Variants in SEC14L1 observed in about 807,000 individuals in gnomAD.
The protein encoded by SEC14L1 is SEC14-like protein 1.
Under a neutral mutation model 85.3 loss-of-function variants are expected in SEC14L1, and 48 were observed. The observed-to-expected ratio is 0.56, with a 90% CI of 0.45 to 0.72. The LOEUF (loss-of-function observed/expected upper bound fraction) is 0.72, where lower values mean the gene tolerates loss of function less well. Ranked by LOEUF, SEC14L1 falls within the 30% of genes least tolerant of loss-of-function variation. The pLI is 0.00. For missense variants in SEC14L1, 682 were observed against 921.4 expected (o/e 0.74, Z 3.36); for synonymous variants, 391 against 355.5 (o/e 1.10, Z -1.12).
intron 9 of SEC14L1, among the ~76,000 whole-genome samples, chr17:77,202,198 G>A (rs1043110505): frequency 6.6e-6 from 1 of 152,156 alleles, no homozygotes; most frequent in African/African-American, 2.4e-5. Context: ...TAAAGAAGTA[G>A]AGTCAGGCCA....
intron 3 of SEC14L1, among the ~76,000 whole-genome samples, chr17:77,135,780 A>G (rs991892908): frequency 1.3e-5 from 2 of 151,984 alleles, no homozygotes; most frequent in Non-Finnish European, 2.9e-5. Context: ...GGCTCAAGCA[A>G]TCCTTCCAAC....
chr17:77,148,696 C>G (rs1973422592), intron 3 of SEC14L1, among the ~76,000 whole-genome samples: 1 of 152,250 alleles, frequency 6.6e-6, no homozygotes, highest in South Asian at 2.1e-4. Context: ...AAGCCCCTCC[C>G]TTTGCAGGGA....
chr17:77,202,800 G>T (rs1976222899), intron 9 of SEC14L1, among the ~76,000 whole-genome samples: 1 of 151,776 alleles, frequency 6.6e-6, no homozygotes, highest in Non-Finnish European at 1.5e-5. Flanking sequence ...TGCGCCTGTA[G>T]TTCCAGCTAC....
chr17:77,181,820 C>A (rs1488739290), intron 3 of SEC14L1, among the ~76,000 whole-genome samples: 1 of 151,832 alleles, frequency 6.6e-6, no homozygotes, highest in Non-Finnish European at 1.5e-5. Context: ...TGTGGTAGGC[C>A]CTCTGTAAAG....
chr17:77,193,212 C>A (rs1975629215), intron 5 of SEC14L1, among the ~76,000 whole-genome samples: 1 of 152,132 alleles, frequency 6.6e-6, no homozygotes, highest in Non-Finnish European at 1.5e-5. Flanking sequence ...TGTTTTTGAA[C>A]AATTATTTGG....
In SEC14L1 at chr17:77,216,225, T is replaced by C. The variant is rs866194532; in HGVS notation, c.*2202T>C. Reference sequence around the variant, plus strand: ...TAGTAGGTAGGGCTAGTAGGTAGGGTTCGTAGGTAGGGTTCGTAGGTAGGG... The same window carrying C: ...TAGTAGGTAGGGCTAGTAGGTAGGGCTCGTAGGTAGGGTTCGTAGGTAGGG... On this transcript the variant is annotated 3_prime_UTR_variant, in exon 17 of 17. Transcript: ENST00000436233. The C allele has an allele frequency of 3.1e-4, 311 of 1,013,646 alleles. 7 individuals are homozygous for C. Among genetic ancestry groups the C allele is most frequent in the South Asian group, 2.5e-3 (86 of 33,996 alleles). The allele number at this position is 1,013,646 out of a possible 1,614,324, so 62.8% of individuals were successfully genotyped here.
chr17:77,115,975 T>C (rs1330183568), intron 3 of SEC14L1, among the ~76,000 whole-genome samples: 1 of 151,896 alleles, frequency 6.6e-6, no homozygotes, highest in Non-Finnish European at 1.5e-5. Flanking sequence ...CTGGAGTGCA[T>C]TGGCACCATT....
In SEC14L1 at chr17:77,206,436, A is replaced by C. The variant is rs762891700; in HGVS notation, c.1341+36A>C. ...ATGCTTTTTGCAGTAACTGTGAGCCATTTGGAAAGCAGATAACATGCATTC... is the reference window on the plus strand; with the variant it reads ...ATGCTTTTTGCAGTAACTGTGAGCCCTTTGGAAAGCAGATAACATGCATTC... On this transcript the variant is annotated intron_variant, in intron 12 of 16. Transcript: ENST00000436233. This position sits in a 1 kb window ranked among gnomAD's most constrained non-coding sequence, Gnocchi z 4.3. The C allele has an allele frequency of 6.3e-7, 1 of 1,598,106 alleles. No homozygotes were observed. The highest frequency in any genetic ancestry group is 8.6e-7 in the Non-Finnish European group (1 of 1,168,536).
rs1188338044 is a variant in SEC14L1, at chr17:77,194,807, C to T, written c.605C>T (p.Ala202Val). ...TSSSSSKKQA[A>V]SMAVVIPEAA... ...TCATCATCCTCCAAGAAACAAGCAG[C>T]GTCCATGGCCGTCGTCATCCCAGAA... Residue 202 changes from alanine (A) to valine (V), a missense_variant, in exon 7 of 17, where the codon GCG becomes GTG. This residue lies in a region of SEC14L1 where 123 missense variants were observed against 100.6 expected (regional missense o/e 1.22). Coordinates refer to ENST00000436233, the MANE Select transcript of SEC14L1 (RefSeq NM_001143998.2). 12 of 1,614,116 alleles carry T rather than the reference C, an allele frequency of 7.4e-6. No homozygotes were observed. Among genetic ancestry groups the T allele is most frequent in the Admixed American group, 5.0e-5 (3 of 60,012 alleles).
intron 9 of SEC14L1, among the ~76,000 whole-genome samples, chr17:77,201,543 C>T (rs1028784698): frequency 3.9e-5 from 6 of 151,908 alleles, no homozygotes; most frequent in African/African-American, 9.7e-5. Context: ...CTCCACCTTC[C>T]GGGTTCAAGC....
intron 3 of SEC14L1, among the ~76,000 whole-genome samples, chr17:77,169,130 G>A (rs1005296875): frequency 2.7e-5 from 4 of 148,622 alleles, no homozygotes; most frequent in African/African-American, 9.9e-5. Context: ...TCAGCAGAGT[G>A]CCTAATAGTT....
At position 77,212,208 on chromosome 17, in the gene SEC14L1, T is replaced by C; in HGVS notation, c.1863+7T>C. On this transcript the variant is annotated splice_region_variant and intron_variant, in intron 15 of 16. Transcript: ENST00000436233. ...AGAAGGAGAAAGCGTGCAGGTAAAA[T>C]CACACACAGGTCAAATCGCGCATCC... is the stretch of plus-strand genomic sequence containing the variant. The C allele has an allele frequency of 6.2e-7, 1 of 1,612,758 alleles. No homozygotes were observed. The highest frequency in any genetic ancestry group is 2.2e-5 in the East Asian group (1 of 44,862).
At chr17:77,089,438 C>T (rs777563267) in intron 2 of SEC14L1, 1 of 518,938 alleles carries the variant, frequency 1.9e-6, no homozygotes, top group Non-Finnish European at 3.8e-6. Flanking sequence ...TTTGCAGTAA[C>T]AGGTGTGAGC....
At chr17:77,134,251 C>CT (rs35681333) in intron 3 of SEC14L1, among the ~76,000 whole-genome samples, 33,729 of 142,238 alleles carry the variant, frequency 0.24, 4,130 homozygotes, top group East Asian at 0.42. Flanking sequence ...CACACACACA[C>CT]TTTTTTTTTT....
chr17:77,172,273 C>T (rs939792245), intron 3 of SEC14L1, among the ~76,000 whole-genome samples: 1 of 152,164 alleles, frequency 6.6e-6, no homozygotes, highest in African/African-American at 2.4e-5. Flanking sequence ...CCCTTGACCG[C>T]CGTATTCTTC....
intron 3 of SEC14L1, among the ~76,000 whole-genome samples, chr17:77,156,730 A>G (rs1973835017): frequency 6.6e-6 from 1 of 152,020 alleles, no homozygotes; most frequent in Admixed American, 6.5e-5. Flanking sequence ...AAAAGGTTAC[A>G]TTGGAACATA....
chr17:77,113,520 G>A (rs1178891201), intron 3 of SEC14L1, among the ~76,000 whole-genome samples: 1 of 152,148 alleles, frequency 6.6e-6, no homozygotes, highest in Non-Finnish European at 1.5e-5. Flanking sequence ...GAGGCAGGTG[G>A]ATCACCTGAG....
At chr17:77,156,574 T>TAAA (rs574920988) in intron 3 of SEC14L1, among the ~76,000 whole-genome samples, 3 of 136,580 alleles carry the variant, frequency 2.2e-5, no homozygotes, top group Admixed American at 7.4e-5. Context: ...GACTCCGTCT[T>TAAA]AAAAAAAAAA....
chr17:77,183,029 A>G (rs1226430677), intron 3 of SEC14L1, among the ~76,000 whole-genome samples: 1 of 152,236 alleles, frequency 6.6e-6, no homozygotes, highest in Non-Finnish European at 1.5e-5. Context: ...CTTCGGGCAG[A>G]CCTAAAATTT....
Sources: allele counts gnomAD v4.1 joint callset (sites outside exome capture counted in the v4.1 genomes callset), GRCh38; gene constraint gnomAD v4.1.1; regional missense constraint gnomAD v4.1.1; non-coding constraint Gnocchi (gnomAD v3.1); transcripts MANE v1.5; gene names NCBI Gene and HGNC (gene_info 2026-07-23, HGNC 2026-07-21).